ANKRD17: variants seen among roughly 807,000 people sequenced by gnomAD.
The protein encoded by ANKRD17 is ankyrin repeat domain-containing protein 17.
Under a neutral mutation model 229.7 loss-of-function variants are expected in ANKRD17, and 19 were observed. The ratio of observed to expected loss-of-function variants is 0.08; its 90% CI spans 0.06 to 0.12. ANKRD17 has a LOEUF of 0.12. Among genes scored for constraint, ANKRD17 ranks in the 10% least tolerant of loss-of-function variants. ANKRD17 has a pLI of 1.00. For missense variants in ANKRD17, 2,176 were observed against 3,176.8 expected, an observed-to-expected ratio of 0.68 and a Z score of 7.57; for synonymous variants, 1,112 against 1,146.1, an observed-to-expected ratio of 0.97 and a Z score of 0.60.
chr4:73,089,994 T>TA lies in ANKRD17; in HGVS notation c.6961+672dup, dbSNP rs532043526. On this transcript the variant is annotated intron_variant, in intron 29 of 33. Transcript: ENST00000358602. ...TCTATTTTTAAAATTATTTTAGAAATAAAAAAGATAATGCGAAATGAAACC... is the reference window on the plus strand; with the variant it reads ...TCTATTTTTAAAATTATTTTAGAAATAAAAAAAGATAATGCGAAATGAAACC... 4.6e-4 allele frequency among the ~76,000 whole-genome samples: 70 copies of TA among 152,284 alleles called. 1 individual carries two copies. The South Asian group carries it at 0.013, about 29-fold the overall frequency.
intron 2 of ANKRD17, among the ~76,000 whole-genome samples, chr4:73,176,363 T>G (rs1183425056): frequency 6.6e-6 from 1 of 150,722 alleles, no homozygotes; most frequent in African/African-American, 2.4e-5. Context: ...GAATGTAAAT[T>G]AATACAACCA....
rs1160125122 is a variant in ANKRD17, at chr4:73,149,767, AGGAG to A, written c.1330-721_1330-718del. Among the ~76,000 whole-genome samples, 29 of 152,242 alleles carry A rather than the reference AGGAG, an allele frequency of 1.9e-4. 1 individual carries two copies. In the South Asian group the frequency reaches 5.6e-3, roughly 29 times the overall value. On this transcript the variant is annotated intron_variant, in intron 7 of 33. Transcript: ENST00000358602. ...TTCGTCCCAGCTACTCAAGAGGCTG[AGGAG>A]GGAGGATCATTTGAGCTCAGGAAGT...
chr4:73,150,052 C>T (rs1315516735), intron 7 of ANKRD17, among the ~76,000 whole-genome samples: 1 of 152,032 alleles, frequency 6.6e-6, no homozygotes, highest in East Asian at 1.9e-4. Context: ...ATTTTTGCCT[C>T]TATGCTTGTC....
chr4:73,141,409 C>T (rs555440999), intron 14 of ANKRD17, among the ~76,000 whole-genome samples: 1 of 152,212 alleles, frequency 6.6e-6, no homozygotes, highest in South Asian at 2.1e-4. Flanking sequence ...TTTATAACTG[C>T]AGAGATTTAG....
At chr4:73,242,322 C>T (rs1744114354) in intron 1 of ANKRD17, among the ~76,000 whole-genome samples, 2 of 152,016 alleles carry the variant, frequency 1.3e-5, no homozygotes, top group Non-Finnish European at 2.9e-5. Context: ...TATATTCCAA[C>T]AATAACTAAT....
At chr4:73,249,278 T>C (rs1744771950) in intron 1 of ANKRD17, among the ~76,000 whole-genome samples, 1 of 152,178 alleles carries the variant, frequency 6.6e-6, no homozygotes, top group South Asian at 2.1e-4. Context: ...TCTATTCCTT[T>C]CTTTTGTGGG....
intron 1 of ANKRD17, among the ~76,000 whole-genome samples, chr4:73,195,796 C>T (rs762463490): frequency 2.0e-5 from 3 of 151,226 alleles, no homozygotes; most frequent in Non-Finnish European, 4.4e-5. Context: ...CATGAGCCAC[C>T]GTGCCCAGCC....
chr4:73,108,917 G>C (rs778950637), intron 24 of ANKRD17, among the ~76,000 whole-genome samples: 14 of 152,200 alleles, frequency 9.2e-5, no homozygotes, highest in Admixed American at 2.0e-4. Flanking sequence ...GAAAAAAATA[G>C]GAGAAAGAAA....
At chr4:73,076,795 C>T in intron 33 of ANKRD17, 145 bp downstream of exon 33, 1 of 992,278 alleles carries the variant, frequency 1.0e-6, no homozygotes, top group Non-Finnish European at 1.4e-6. Flanking sequence ...GCCCACAGCC[C>T]TCTGCTATAT....
intron 2 of ANKRD17, among the ~76,000 whole-genome samples, chr4:73,171,178 GGA>G (rs56882212): frequency 0.053 from 5,505 of 104,380 alleles, 167 homozygotes; most frequent in East Asian, 0.13. Flanking sequence ...CTCAGAGGGG[GGA>G]GAGAGAGAGA....
intron 1 of ANKRD17, among the ~76,000 whole-genome samples, chr4:73,227,954 G>A (rs1215280085): frequency 1.3e-5 from 2 of 152,020 alleles, no homozygotes. Context: ...CTTAGGGAAT[G>A]GTGAGGCTTC....
At chr4:73,184,973 T>C (rs1347500132) in intron 1 of ANKRD17, among the ~76,000 whole-genome samples, 1 of 152,096 alleles carries the variant, frequency 6.6e-6, no homozygotes, top group Non-Finnish European at 1.5e-5. Flanking sequence ...ATGTTAAAGA[T>C]CATTTTAGAC....
intron 15 of ANKRD17, among the ~76,000 whole-genome samples, chr4:73,138,343 A>C (rs1729170340): frequency 6.6e-6 from 1 of 152,114 alleles, no homozygotes; most frequent in Non-Finnish European, 1.5e-5. Flanking sequence ...AGAAATTTTC[A>C]TTCCACATGT....
chr4:73,105,657 C>A (rs912060109), intron 24 of ANKRD17, among the ~76,000 whole-genome samples: 1 of 152,018 alleles, frequency 6.6e-6, no homozygotes, highest in Non-Finnish European at 1.5e-5. Flanking sequence ...AGTTAAGATG[C>A]CATTGGTTAC....
chr4:73,073,906 G>A lies in ANKRD17; in HGVS notation c.*2325C>T, dbSNP rs1171258155. 6.6e-6 allele frequency: 1 copy of A among 151,938 alleles called. No individual in the cohort carries two copies. The highest frequency in any genetic ancestry group is 1.9e-4 in the East Asian group (1 of 5,196). The allele number at this position is 151,938 out of a possible 1,614,324, so 9.4% of individuals were successfully genotyped here. A position where few individuals can be genotyped will look rare whatever the true frequency, so the allele number is the denominator to read the frequency against. On this transcript the variant is annotated 3_prime_UTR_variant, in exon 34 of 34. Transcript: ENST00000358602. Reference sequence around the variant, plus strand: ...GAGTTAAATCATTTCTTAAAACAATGATGTAGTCTGCATATACACATACCA... The same window carrying A: ...GAGTTAAATCATTTCTTAAAACAATAATGTAGTCTGCATATACACATACCA...
chr4:73,078,545 A>G, intron 31 of ANKRD17, 97 bp downstream of exon 31: 2 of 820,548 alleles, frequency 2.4e-6, no homozygotes, highest in Middle Eastern at 3.4e-4. Context: ...TCAAAAAAAG[A>G]AAAAAAAAAA....
Position 73,144,840 on chromosome 4 carries a change from A to G in ANKRD17, c.1870-8T>C. 1 of 1,140,364 alleles carries G rather than the reference A, an allele frequency of 8.8e-7. No homozygotes were observed. The highest frequency in any genetic ancestry group is 1.2e-6 in the Non-Finnish European group (1 of 853,756). The allele number at this position is 1,140,364 out of a possible 1,614,324, so 70.6% of individuals were successfully genotyped here. Reference sequence around the variant, plus strand: ...ACCTTCAGATTCATGTTCCTGTTTAAAAAAAAAAAAAAAGACTTGACATTT... The same window carrying G: ...ACCTTCAGATTCATGTTCCTGTTTAGAAAAAAAAAAAAAGACTTGACATTT... On this transcript the variant is annotated splice_polypyrimidine_tract_variant and splice_region_variant and intron_variant, in intron 10 of 33. Transcript: ENST00000358602.
chr4:73,241,516 G>A (rs62311896), intron 1 of ANKRD17, among the ~76,000 whole-genome samples: 1 of 152,132 alleles, frequency 6.6e-6, no homozygotes, highest in Non-Finnish European at 1.5e-5. Context: ...AAAGAGGTAT[G>A]TACTAAATTA....
chr4:73,179,326 TTTAA>T lies in ANKRD17; in HGVS notation c.394-1797_394-1794del, dbSNP rs910243412. ...TCATAAAATTTTGTTCTACATTAAC[TTTAA>T]TTAATCTATAACTCCTTATGGCAAG... is the stretch of plus-strand genomic sequence containing the variant. On this transcript the variant is annotated intron_variant, in intron 1 of 33. Coordinates refer to ENST00000358602, the MANE Select transcript of ANKRD17 (RefSeq NM_032217.5). 8.0e-5 allele frequency among the ~76,000 whole-genome samples: 12 copies of T among 150,656 alleles called. 1 individual carries two copies. The highest frequency in any genetic ancestry group is 3.3e-4 in the Admixed American group (5 of 15,076).
Sources: allele counts gnomAD v4.1 joint callset (sites outside exome capture counted in the v4.1 genomes callset), GRCh38; gene constraint gnomAD v4.1.1; transcripts MANE v1.5; gene names NCBI Gene and HGNC (gene_info 2026-07-23, HGNC 2026-07-21).